WWTR1: variants seen among roughly 807,000 people sequenced by gnomAD.
WWTR1 encodes the protein WW domain-containing transcription regulator protein 1.
A neutral mutation model predicts 40.1 loss-of-function variants in WWTR1; 13 were observed. The ratio of observed to expected loss-of-function variants is 0.32; its 90% confidence interval spans 0.21 to 0.52. The LOEUF (loss-of-function observed/expected upper bound fraction) is 0.52. Among genes scored for constraint, WWTR1 ranks in the 20% least tolerant of loss-of-function variants. The probability of loss-of-function intolerance (pLI) is 0.97; values close to 1 mark genes in which losing one functional copy is unlikely to be tolerated. For missense variants in WWTR1, 436 were observed against 523.1 expected, an observed-to-expected ratio of 0.83 and a Z score of 1.63; for synonymous variants, 230 against 210.1, an observed-to-expected ratio of 1.09 and a Z score of -0.82.
chr3:149,674,015 T>C (rs1054116256), intron 1 of WWTR1, among the ~76,000 whole-genome samples: 1 of 138,156 alleles, frequency 7.2e-6, no homozygotes, highest in African/African-American at 2.7e-5. Context: ...GGCAACATAG[T>C]AGAAGACCGG....
intron 3 of WWTR1, among the ~76,000 whole-genome samples, chr3:149,561,492 A>T (rs1337500745): frequency 6.6e-6 from 1 of 152,236 alleles, no homozygotes; most frequent in East Asian, 1.9e-4. Flanking sequence ...CAACAGTTTT[A>T]AAAACTTTAA....
chr3:149,698,790 C>T (rs1323411037), intron 1 of WWTR1, among the ~76,000 whole-genome samples: 1 of 152,376 alleles, frequency 6.6e-6, no homozygotes, highest in Middle Eastern at 3.4e-3. Context: ...CCCTCTAGAA[C>T]TGCAGCACAA....
At chr3:149,543,941 T>C (rs1307508819) in intron 3 of WWTR1, among the ~76,000 whole-genome samples, 1 of 150,934 alleles carries the variant, frequency 6.6e-6, no homozygotes, top group Non-Finnish European at 1.5e-5. Context: ...TATGTATATA[T>C]TTTAAACATA....
intron 2 of WWTR1, among the ~76,000 whole-genome samples, chr3:149,596,951 C>G (rs148203879): frequency 1.3e-5 from 2 of 152,096 alleles, no homozygotes; most frequent in Non-Finnish European, 2.9e-5. Flanking sequence ...CACACAAAGA[C>G]CTTAGAACAA....
At chr3:149,630,877 A>G (rs1221039212) in intron 2 of WWTR1, among the ~76,000 whole-genome samples, 1 of 152,154 alleles carries the variant, frequency 6.6e-6, no homozygotes, top group Non-Finnish European at 1.5e-5. Context: ...TCCTTTACTC[A>G]TTCCTTCCTT....
intron 2 of WWTR1, among the ~76,000 whole-genome samples, chr3:149,615,357 G>A (rs6440627): frequency 0.032 from 4,932 of 152,170 alleles, 282 homozygotes; most frequent in African/African-American, 0.11. Context: ...TCCAGAATTT[G>A]CTTTAAAATA....
At chr3:149,666,885 G>A (rs1193924698) in intron 2 of WWTR1, among the ~76,000 whole-genome samples, 1 of 152,148 alleles carries the variant, frequency 6.6e-6, no homozygotes, top group African/African-American at 2.4e-5. Flanking sequence ...TTCCTTTAAA[G>A]AGAGGGAAAG....
intron 1 of WWTR1, among the ~76,000 whole-genome samples, chr3:149,681,830 A>C (rs1286265350): frequency 1.3e-5 from 2 of 152,216 alleles, no homozygotes; most frequent in Admixed American, 1.3e-4. Flanking sequence ...CAGAAGGACA[A>C]ATATTGCATG....
At chr3:149,674,214 T>C (rs1714186943) in intron 1 of WWTR1, among the ~76,000 whole-genome samples, 1 of 124,542 alleles carries the variant, frequency 8.0e-6, no homozygotes, top group Admixed American at 8.0e-5. Flanking sequence ...AGCAAGACAC[T>C]GTCTCTCTCT....
intron 2 of WWTR1, among the ~76,000 whole-genome samples, chr3:149,605,893 C>A (rs1396475822): frequency 6.6e-6 from 1 of 152,126 alleles, no homozygotes; most frequent in East Asian, 1.9e-4. Context: ...GGTACTGTCA[C>A]AGGTGGCATA....
chr3:149,538,233 T>G (rs1011126874), intron 4 of WWTR1, among the ~76,000 whole-genome samples: 4 of 152,178 alleles, frequency 2.6e-5, no homozygotes, highest in African/African-American at 9.7e-5. Context: ...AATTAAAATT[T>G]TTTTCTACTT....
chr3:149,578,050 C>T (rs1737972017), intron 2 of WWTR1, among the ~76,000 whole-genome samples: 1 of 138,380 alleles, frequency 7.2e-6, no homozygotes, highest in Admixed American at 7.9e-5. Flanking sequence ...ACTATCTCAC[C>T]TCCAGGCACA....
chr3:149,667,651 T>C (rs1713891844), intron 2 of WWTR1, among the ~76,000 whole-genome samples: 1 of 152,276 alleles, frequency 6.6e-6, no homozygotes, highest in Admixed American at 6.5e-5. Flanking sequence ...TCTCAATCTG[T>C]CCTGATACTC....
intron 2 of WWTR1, among the ~76,000 whole-genome samples, chr3:149,574,708 A>G (rs1737798459): frequency 6.6e-6 from 1 of 151,890 alleles, no homozygotes. Context: ...TTAATGCAAG[A>G]CTTGAAGGTA....
chr3:149,566,612 T>C (rs941483845), intron 3 of WWTR1, among the ~76,000 whole-genome samples: 4 of 152,176 alleles, frequency 2.6e-5, no homozygotes, highest in African/African-American at 9.7e-5. Flanking sequence ...TAAGTAGAAA[T>C]CTGACTTCTA....
intron 2 of WWTR1, among the ~76,000 whole-genome samples, chr3:149,591,761 G>C (rs11918996): frequency 0.13 from 19,298 of 152,136 alleles, 1,417 homozygotes; most frequent in East Asian, 0.21. Context: ...AGGAATTGTA[G>C]TCATTTTAAA....
intron 2 of WWTR1, among the ~76,000 whole-genome samples, chr3:149,645,179 G>A (rs564121021): frequency 5.8e-4 from 88 of 151,764 alleles, no homozygotes; most frequent in East Asian, 5.0e-3. Context: ...TCCCAGGTTC[G>A]CGCCATTCTC....
chr3:149,555,762 C>T (rs1736800733), intron 3 of WWTR1, among the ~76,000 whole-genome samples: 2 of 152,226 alleles, frequency 1.3e-5, no homozygotes, highest in South Asian at 4.1e-4. Flanking sequence ...TTCATTTCCC[C>T]TGTTTCTAGG....
intron 1 of WWTR1, among the ~76,000 whole-genome samples, chr3:149,686,240 G>A (rs1576640656): frequency 1.3e-5 from 2 of 152,304 alleles, no homozygotes; most frequent in South Asian, 2.1e-4. Flanking sequence ...ATTCGAGCTT[G>A]GTTTTCAGGC....
Sources: gnomAD v4.1 joint callset for allele counts (sites outside exome capture counted in the v4.1 genomes callset) on GRCh38, gnomAD v4.1.1 for gene constraint, MANE v1.5 for transcripts, NCBI Gene and HGNC (gene_info 2026-07-23, HGNC 2026-07-21) for gene names.